The following ARHGAP6 variants were observed in gnomAD, a reference collection of about 807,000 sequenced individuals.
ARHGAP6 encodes the protein rho GTPase-activating protein 6.
ARHGAP6 carries 16 observed loss-of-function variants against 55.7 expected under a neutral mutation model. That is an observed-to-expected ratio of 0.29 (90% CI 0.19 to 0.44). The LOEUF (loss-of-function observed/expected upper bound fraction) is 0.44. ARHGAP6 is among the 20% of genes least tolerant of loss of function. ARHGAP6 has a pLI of 1.00. For missense variants in ARHGAP6, 698 were observed against 808.9 expected (o/e 0.86, Z 1.66); for synonymous variants, 382 against 360.9 (o/e 1.06, Z -0.66).
At chrX:11,238,991 T>C (rs144047365) in intron 2 of ARHGAP6, among the ~76,000 whole-genome samples, 1,750 of 112,348 alleles carry the variant, frequency 0.016, 25 homozygotes, top group African/African-American at 0.034. Flanking sequence ...TGTGGTATCC[T>C]GAATAGGATT....
At chrX:11,469,974 A>T (rs1436969636) in intron 1 of ARHGAP6, among the ~76,000 whole-genome samples, 1 of 111,336 alleles carries the variant, frequency 9.0e-6, no homozygotes, top group Non-Finnish European at 1.9e-5. Flanking sequence ...TTTTTTCACC[A>T]TGATGAATAG....
intron 1 of ARHGAP6, among the ~76,000 whole-genome samples, chrX:11,572,235 T>G (rs903265061): frequency 1.8e-5 from 2 of 110,494 alleles, no homozygotes; most frequent in African/African-American, 3.3e-5. Flanking sequence ...ATGTGCACAA[T>G]GTGCAGGTTA....
chrX:11,432,028 C>T (rs2049944901), intron 1 of ARHGAP6, among the ~76,000 whole-genome samples: 1 of 112,118 alleles, frequency 8.9e-6, no homozygotes, highest in South Asian at 3.8e-4. Flanking sequence ...ATTATTCCCC[C>T]TACGCCAATT....
At chrX:11,427,276 G>A (rs893986110) in intron 1 of ARHGAP6, among the ~76,000 whole-genome samples, 2 of 112,311 alleles carry the variant, frequency 1.8e-5, no homozygotes, top group African/African-American at 6.5e-5. Context: ...GGTGGTGGCG[G>A]AGTCCAGCCC....
Position 11,575,667 on chromosome X carries a change from A to G in ARHGAP6, c.588+88574T>C, listed in dbSNP as rs767057031. Among the ~76,000 whole-genome samples, 3 of 112,424 alleles carry G rather than the reference A, an allele frequency of 2.7e-5. No individual in the cohort carries two copies. The East Asian group carries it at 8.3e-4, about 31-fold the overall frequency. ...TGTTGGCTACTCTTGCCTGTGTCTGACAAGGGATTAAAAGGAAAGAGGGTG... is the reference window on the plus strand; with the variant it reads ...TGTTGGCTACTCTTGCCTGTGTCTGGCAAGGGATTAAAAGGAAAGAGGGTG... On this transcript the variant is annotated intron_variant, in intron 1 of 12. Transcript: ENST00000337414.
chrX:11,358,432 T>TCTTA (rs1286815189), intron 1 of ARHGAP6, among the ~76,000 whole-genome samples: 11 of 13,402 alleles, frequency 8.2e-4, no homozygotes, highest in Non-Finnish European at 1.5e-3. Flanking sequence ...TTTAACTGTA[T>TCTTA]CTTTCTTTCT....
chrX:11,232,524 C>T (rs1406379152), intron 2 of ARHGAP6, among the ~76,000 whole-genome samples: 1 of 110,871 alleles, frequency 9.0e-6, no homozygotes, highest in Non-Finnish European at 1.9e-5. Flanking sequence ...CCCAGTGACT[C>T]AGGGAGGCTG....
intron 10 of ARHGAP6, 68 bp from the exon 11 acceptor site, chrX:11,144,316 G>T: frequency 8.4e-7 from 1 of 1,188,881 alleles, no homozygotes; most frequent in East Asian, 3.0e-5. Context: ...TAAACAATAT[G>T]GCTATTACAC....
rs1440758737 is a variant in ARHGAP6, at chrX:11,567,566, A to AAAAAAAAAAATATATATATAT, written c.588+96674_588+96675insATATATATATATTTTTTTTTT. Among the ~76,000 whole-genome samples the AAAAAAAAAAATATATATATAT allele has an allele frequency of 4.0e-4, 34 of 84,383 alleles. 1 individual carries two copies. Among genetic ancestry groups the AAAAAAAAAAATATATATATAT allele is most frequent in the African/African-American group, 4.3e-4 (9 of 21,119 alleles). The allele number at this position is 84,383 out of a possible 115,157, so 73.3% of individuals were successfully genotyped here. On this transcript the variant is annotated intron_variant, in intron 1 of 12. Transcript: ENST00000337414. Reference sequence around the variant, plus strand: ...GAGACTCCATCTCAAAAAAAAAAAAAATATATATATATATTTGCCTCAGAG... The same window carrying AAAAAAAAAAATATATATATAT: ...GAGACTCCATCTCAAAAAAAAAAAAAAAAAAAAAAATATATATATATATATATATATATATTTGCCTCAGAG...
chrX:11,232,900 C>G (rs893882561), intron 2 of ARHGAP6, among the ~76,000 whole-genome samples: 1 of 111,483 alleles, frequency 9.0e-6, no homozygotes, highest in African/African-American at 3.3e-5. Flanking sequence ...TGAACTGTTA[C>G]CCTAGAGTGT....
intron 1 of ARHGAP6, among the ~76,000 whole-genome samples, chrX:11,312,683 G>A (rs2048314646): frequency 1.8e-5 from 2 of 111,416 alleles, no homozygotes; most frequent in Admixed American, 1.9e-4. Context: ...GTGTTGTTGT[G>A]GATGATGATG....
intron 1 of ARHGAP6, among the ~76,000 whole-genome samples, chrX:11,358,488 T>TCTTTCTTTCTTTC (rs1156649373): frequency 1.4e-4 from 14 of 100,183 alleles, no homozygotes; most frequent in Non-Finnish European, 2.4e-4. Context: ...TTTCTTTCTT[T>TCTTTCTTTCTTTC]TTTTTTTTTT....
intron 1 of ARHGAP6, among the ~76,000 whole-genome samples, chrX:11,445,721 G>A (rs1048862559): frequency 1.8e-4 from 20 of 111,539 alleles, no homozygotes; most frequent in East Asian, 2.8e-4. Context: ...TTGTCGTGAC[G>A]AGGGTCAGGG....
intron 10 of ARHGAP6, among the ~76,000 whole-genome samples, chrX:11,156,058 A>G (rs1270783058): frequency 2.7e-5 from 3 of 112,153 alleles, no homozygotes; most frequent in Non-Finnish European, 5.6e-5. Context: ...GAAGGTGCAC[A>G]CCTCTAATTT....
chrX:11,420,377 A>C (rs1253433678), intron 1 of ARHGAP6, among the ~76,000 whole-genome samples: 1 of 111,951 alleles, frequency 8.9e-6, no homozygotes. Context: ...ATATTAAATT[A>C]ATTAATTGTG....
intron 1 of ARHGAP6, among the ~76,000 whole-genome samples, chrX:11,423,042 C>T (rs2049840215): frequency 8.9e-6 from 1 of 112,317 alleles, no homozygotes; most frequent in African/African-American, 3.2e-5. Context: ...TCAATAATCT[C>T]TCACATATTT....
chrX:11,372,198 T>C (rs2049150565), intron 1 of ARHGAP6, among the ~76,000 whole-genome samples: 1 of 112,219 alleles, frequency 8.9e-6, no homozygotes, highest in South Asian at 3.7e-4. Flanking sequence ...TTAAAATATC[T>C]AGATGTGTCA....
chrX:11,174,573 C>CCTTCCTTCCTTTCTTT (rs1491543420), intron 8 of ARHGAP6, among the ~76,000 whole-genome samples: 6 of 42,287 alleles, frequency 1.4e-4, no homozygotes, highest in African/African-American at 5.8e-4. Context: ...TTCCTTCCTT[C>CCTTCCTTCCTTTCTTT]CTTTCTTTCT....
chrX:11,596,214 C>T (rs896878035), intron 1 of ARHGAP6, among the ~76,000 whole-genome samples: 4 of 112,129 alleles, frequency 3.6e-5, no homozygotes, highest in African/African-American at 1.3e-4. Flanking sequence ...AAATGTGGCA[C>T]ATATACACCA....
Sources: gnomAD v4.1 joint callset for allele counts (sites outside exome capture counted in the v4.1 genomes callset) on GRCh38, gnomAD v4.1.1 for gene constraint, MANE v1.5 for transcripts, NCBI Gene and HGNC (gene_info 2026-07-23, HGNC 2026-07-21) for gene names.